NRXN3: variants seen among roughly 807,000 people sequenced by gnomAD.
The protein encoded by NRXN3 is neurexin 3.
Under a neutral mutation model 137.6 loss-of-function variants are expected in NRXN3, and 32 were observed. The ratio of observed to expected loss-of-function variants is 0.23; its 90% CI spans 0.18 to 0.31. The LOEUF is 0.31. Ranked by LOEUF, NRXN3 falls within the 10% of genes least tolerant of loss-of-function variation. The probability of loss-of-function intolerance (pLI) is 1.00; values close to 1 mark genes in which losing one functional copy is unlikely to be tolerated. For synonymous variants in NRXN3, 798 were observed against 784.5 expected (o/e 1.02, Z -0.29); for missense variants, 1,574 against 2,062.5 (o/e 0.76, Z 4.59).
chr14:78,381,439 A>C (rs1047788108), intron 4 of NRXN3, among the ~76,000 whole-genome samples: 1 of 152,212 alleles, frequency 6.6e-6, no homozygotes, highest in African/African-American at 2.4e-5. Flanking sequence ...AACAGTAAAA[A>C]AGCTGTAGTG....
chr14:79,841,641 A>C (rs899119829), intron 20 of NRXN3, among the ~76,000 whole-genome samples: 1 of 152,110 alleles, frequency 6.6e-6, no homozygotes, highest in Non-Finnish European at 1.5e-5. Context: ...CCCATTAATA[A>C]TTTGCTTGGC....
chr14:78,291,590 A>G (rs557435282), intron 3 of NRXN3, among the ~76,000 whole-genome samples: 235 of 152,276 alleles, frequency 1.5e-3, no homozygotes, highest in Non-Finnish European at 2.5e-3. Context: ...GTCACCCTAC[A>G]GACACTTTTG....
At chr14:79,712,788 G>A (rs2098809167) in intron 19 of NRXN3, among the ~76,000 whole-genome samples, 1 of 152,082 alleles carries the variant, frequency 6.6e-6, no homozygotes, top group Non-Finnish European at 1.5e-5. Flanking sequence ...AGTCTGGGCT[G>A]GGCGCTCGCT....
intron 4 of NRXN3, among the ~76,000 whole-genome samples, chr14:78,529,747 C>G (rs759254002): frequency 2.0e-5 from 3 of 152,188 alleles, no homozygotes; most frequent in Non-Finnish European, 2.9e-5. Flanking sequence ...TTCACAGTTA[C>G]TGTACAGTAT....
intron 4 of NRXN3, among the ~76,000 whole-genome samples, chr14:78,599,563 A>G (rs1444276220): frequency 2.0e-5 from 3 of 152,174 alleles, no homozygotes; most frequent in Non-Finnish European, 4.4e-5. Context: ...TGGTCTTCCA[A>G]CCTTCAGGAT....
chr14:79,700,099 G>C (rs765710848), intron 19 of NRXN3, among the ~76,000 whole-genome samples: 1 of 152,010 alleles, frequency 6.6e-6, no homozygotes, highest in Non-Finnish European at 1.5e-5. Flanking sequence ...GCCTAGTCTG[G>C]TCTTAAACAC....
chr14:78,926,920 A>T (rs1327852416), intron 10 of NRXN3, among the ~76,000 whole-genome samples: 4 of 29,028 alleles, frequency 1.4e-4, no homozygotes, highest in Non-Finnish European at 1.9e-4. Context: ...ATATATATAT[A>T]ATATATAATA....
chr14:79,227,780 TC>T (rs1421607818), intron 15 of NRXN3, among the ~76,000 whole-genome samples: 1 of 45,772 alleles, frequency 2.2e-5, no homozygotes, highest in African/African-American at 6.2e-5. Flanking sequence ...CTTCCTTCCT[TC>T]CTTCCCTCCT....
chr14:78,508,537 T>C (rs1178399637), intron 4 of NRXN3, among the ~76,000 whole-genome samples: 3 of 152,188 alleles, frequency 2.0e-5, no homozygotes, highest in Non-Finnish European at 4.4e-5. Flanking sequence ...GTTTGTTTTG[T>C]ATGCTAGAAA....
At chr14:79,532,924 C>T (rs1266754504) in intron 16 of NRXN3, among the ~76,000 whole-genome samples, 3 of 152,126 alleles carry the variant, frequency 2.0e-5, no homozygotes, top group East Asian at 3.9e-4. Flanking sequence ...TTCCTAGCAA[C>T]CCTCAAAATC....
chr14:78,693,675 G>A (rs933189837), intron 6 of NRXN3, among the ~76,000 whole-genome samples: 1 of 142,156 alleles, frequency 7.0e-6, no homozygotes, highest in African/African-American at 2.8e-5. Flanking sequence ...GTGTGTGTGT[G>A]TGTGTGTGTG....
At chr14:78,292,478 A>G (rs1459632413) in intron 3 of NRXN3, among the ~76,000 whole-genome samples, 1 of 152,208 alleles carries the variant, frequency 6.6e-6, no homozygotes, top group Non-Finnish European at 1.5e-5. Context: ...TATTAACAGG[A>G]CTAGAAAGAG....
chr14:78,198,184 C>T (rs370218676), intron 1 of NRXN3, among the ~76,000 whole-genome samples: 6 of 152,216 alleles, frequency 3.9e-5, no homozygotes, highest in African/African-American at 1.4e-4. Flanking sequence ...TTTCTGTTCT[C>T]CTCCCTGCTC....
At chr14:78,480,921 C>T (rs1051213110) in intron 4 of NRXN3, among the ~76,000 whole-genome samples, 1 of 152,160 alleles carries the variant, frequency 6.6e-6, no homozygotes, top group African/African-American at 2.4e-5. Flanking sequence ...TGTCTTTTCC[C>T]CTACCAGTCC....
At chr14:78,468,996 A>G (rs1335321212) in intron 4 of NRXN3, among the ~76,000 whole-genome samples, 4 of 152,130 alleles carry the variant, frequency 2.6e-5, no homozygotes, top group African/African-American at 9.7e-5. Flanking sequence ...GGCCTGGGGC[A>G]TGGGAGAGGT....
At chr14:79,244,292 C>G (rs1052454111) in intron 15 of NRXN3, among the ~76,000 whole-genome samples, 4 of 152,120 alleles carry the variant, frequency 2.6e-5, no homozygotes, top group African/African-American at 9.7e-5. Context: ...TCCCTGACAT[C>G]TAAAATGGGC....
rs1188428658 is a variant in NRXN3, at chr14:79,128,352, T to A, written c.3262+140211T>A. On this transcript the variant is annotated intron_variant, in intron 15 of 20. Coordinates refer to ENST00000335750, the MANE Select transcript of NRXN3 (RefSeq NM_001330195.2). Reference sequence around the variant, plus strand: ...TCTTATTATTTTGAGATACGTCCCATCAATACCTAATTTATTGAGAGTTTT... The same window carrying A: ...TCTTATTATTTTGAGATACGTCCCAACAATACCTAATTTATTGAGAGTTTT... Among the ~76,000 whole-genome samples, 7 of 147,820 alleles carry A rather than the reference T, an allele frequency of 4.7e-5. No homozygotes were observed. In the East Asian group the frequency reaches 1.4e-3, roughly 29 times the overall value.
intron 15 of NRXN3, among the ~76,000 whole-genome samples, chr14:79,392,685 G>A (rs575142425): frequency 7.1e-4 from 108 of 152,162 alleles, no homozygotes; most frequent in African/African-American, 2.5e-3. Context: ...AAAAAGTCAG[G>A]AAATGGCCAG....
chr14:79,716,424 C>A lies in NRXN3; in HGVS notation c.4014+18487C>A, dbSNP rs1320080547. Among the ~76,000 whole-genome samples, 6 of 152,074 alleles carry A rather than the reference C, an allele frequency of 3.9e-5. 1 individual carries two copies. The South Asian group carries it at 8.3e-4, about 21-fold the overall frequency. ...TATCATATGTTGTAATATCAAGAAA[C>A]CTTTTAGCATGTACATTTGTCTAGG... On this transcript the variant is annotated intron_variant, in intron 19 of 20. Transcript: ENST00000335750.
Sources: allele counts gnomAD v4.1 joint callset (sites outside exome capture counted in the v4.1 genomes callset), GRCh38; gene constraint gnomAD v4.1.1; transcripts MANE v1.5; gene names NCBI Gene and HGNC (gene_info 2026-07-23, HGNC 2026-07-21).